The following ZNF385D variants were observed in gnomAD, a reference collection of about 807,000 sequenced individuals.
ZNF385D encodes the protein zinc finger protein 659.
ZNF385D carries 15 observed loss-of-function variants against 35.8 expected under a neutral mutation model. The observed-to-expected ratio is 0.42, with a 90% CI of 0.28 to 0.64. ZNF385D has a LOEUF of 0.64. Ranked by LOEUF, ZNF385D falls within the 30% of genes least tolerant of loss-of-function variation. The pLI, the probability that ZNF385D is intolerant of heterozygous loss-of-function variation, is 0.23. For synonymous variants in ZNF385D, 212 were observed against 186.8 expected (o/e 1.13, Z -1.10); for missense variants, 474 against 494.6 (o/e 0.96, Z 0.39).
At chr3:22,248,512 A>G (rs1191175930) in intron 2 of ZNF385D, among the ~76,000 whole-genome samples, 4 of 152,090 alleles carry the variant, frequency 2.6e-5, no homozygotes, top group Admixed American at 2.6e-4. Context: ...AATTTAGACA[A>G]AGTCCATTAT....
chr3:22,044,370 T>C (rs549039320), intron 3 of ZNF385D, among the ~76,000 whole-genome samples: 5 of 152,200 alleles, frequency 3.3e-5, no homozygotes, highest in Non-Finnish European at 7.4e-5. Flanking sequence ...TCGAATCACA[T>C]CCCAAACTGG....
chr3:22,304,352 C>G (rs187649115), intron 2 of ZNF385D, among the ~76,000 whole-genome samples: 52 of 152,106 alleles, frequency 3.4e-4, no homozygotes, highest in Admixed American at 2.0e-3. Context: ...ATTCAAATTG[C>G]TTATATTTAA....
At chr3:22,013,612 A>T (rs1257547534) in intron 3 of ZNF385D, among the ~76,000 whole-genome samples, 1 of 152,168 alleles carries the variant, frequency 6.6e-6, no homozygotes, top group African/African-American at 2.4e-5. Context: ...CAAGTCGACC[A>T]CTAGGATTAG....
At chr3:22,329,526 A>T (rs1445749909) in intron 2 of ZNF385D, among the ~76,000 whole-genome samples, 1 of 152,172 alleles carries the variant, frequency 6.6e-6, no homozygotes, top group Non-Finnish European at 1.5e-5. Context: ...AAAATTATGT[A>T]ACATTTTGAT....
chr3:22,331,879 G>T (rs965956042), intron 2 of ZNF385D, among the ~76,000 whole-genome samples: 1 of 152,090 alleles, frequency 6.6e-6, no homozygotes, highest in Non-Finnish European at 1.5e-5. Context: ...AATTTCTATA[G>T]TAACTTTCAA....
At chr3:22,085,992 A>G (rs2125592053) in intron 3 of ZNF385D, among the ~76,000 whole-genome samples, 1 of 152,216 alleles carries the variant, frequency 6.6e-6, no homozygotes, top group East Asian at 1.9e-4. Flanking sequence ...GCCTTCGACA[A>G]AATTCAACAA....
intron 3 of ZNF385D, among the ~76,000 whole-genome samples, chr3:21,936,350 A>G (rs911702498): frequency 1.6e-4 from 24 of 151,870 alleles, no homozygotes; most frequent in Non-Finnish European, 2.8e-4. Flanking sequence ...AATTCTCAAG[A>G]TTTTTAAAGT....
At chr3:21,890,481 T>G (rs1354871394) in intron 3 of ZNF385D, among the ~76,000 whole-genome samples, 1 of 152,010 alleles carries the variant, frequency 6.6e-6, no homozygotes, top group East Asian at 1.9e-4. Context: ...TAGCTGTGCA[T>G]GGTGGCAGGC....
At position 22,022,569 on chromosome 3, in the gene ZNF385D, A is replaced by T. The variant is rs186842846; in HGVS notation, c.325+146248T>A. ...CAAGAAAAAAGAAATGATTTATCAT[A>T]AATTCCTGTTTGGCAAATGAACAGC... On this transcript the variant is annotated intron_variant, in intron 3 of 5. Coordinates refer to the ZNF385D transcript ENST00000494108. Among the ~76,000 whole-genome samples the T allele has an allele frequency of 7.9e-5, 12 of 152,320 alleles. No homozygotes were observed. The East Asian group carries it at 2.3e-3, about 29-fold the overall frequency.
rs547100517 is a variant in ZNF385D, at chr3:22,217,247, C to T, written c.107-48212G>A. Among the ~76,000 whole-genome samples the T allele has an allele frequency of 7.2e-5, 11 of 152,232 alleles. No individual in the cohort carries two copies. The South Asian group carries it at 2.1e-3, about 29-fold the overall frequency. On this transcript the variant is annotated intron_variant, in intron 2 of 5. Transcript: ENST00000494108. The stretch of plus-strand genomic sequence containing the variant: ...CCTTGCTCACTGCTTCTCACAGAAA[C>T]CACAATAAACACTTTTGCCCATGTT...
chr3:21,917,656 A>C (rs1463975407), intron 3 of ZNF385D, among the ~76,000 whole-genome samples: 1 of 152,202 alleles, frequency 6.6e-6, no homozygotes, highest in Non-Finnish European at 1.5e-5. Flanking sequence ...TTAAAGTCAT[A>C]TACACAGGAA....
chr3:21,422,800 A>G (rs1013989758), intron 7 of ZNF385D, among the ~76,000 whole-genome samples: 3 of 152,212 alleles, frequency 2.0e-5, no homozygotes, highest in African/African-American at 7.2e-5. Context: ...CCTTCATGAT[A>G]AAACTCTCAA....
intron 2 of ZNF385D, among the ~76,000 whole-genome samples, chr3:22,370,338 T>C (rs568890686): frequency 5.3e-4 from 81 of 152,312 alleles, no homozygotes; most frequent in Admixed American, 2.7e-3. Context: ...TGTAGCACTA[T>C]TGATTTACAA....
At chr3:22,025,923 TA>T (rs1697517059) in intron 3 of ZNF385D, among the ~76,000 whole-genome samples, 1 of 152,130 alleles carries the variant, frequency 6.6e-6, no homozygotes, top group Non-Finnish European at 1.5e-5. Context: ...GTAAATACTA[TA>T]TGAATAATTG....
At chr3:21,914,406 A>G (rs1028759712) in intron 3 of ZNF385D, among the ~76,000 whole-genome samples, 1 of 120,084 alleles carries the variant, frequency 8.3e-6, no homozygotes, top group Admixed American at 8.1e-5. Context: ...TTTTGGTCTT[A>G]TCTCTTTTTT....
At chr3:22,017,282 C>G (rs990292709) in intron 3 of ZNF385D, among the ~76,000 whole-genome samples, 1 of 151,986 alleles carries the variant, frequency 6.6e-6, no homozygotes, top group African/African-American at 2.4e-5. Context: ...GTGAATTTTT[C>G]ATATAAAATA....
intron 3 of ZNF385D, among the ~76,000 whole-genome samples, chr3:22,131,611 G>A (rs368667983): frequency 6.6e-6 from 1 of 152,134 alleles, no homozygotes. Flanking sequence ...ACAGAGCAAA[G>A]GTATAAGTGG....
intron 2 of ZNF385D, among the ~76,000 whole-genome samples, chr3:22,296,818 G>A (rs571218099): frequency 2.0e-5 from 3 of 152,258 alleles, no homozygotes; most frequent in Non-Finnish European, 4.4e-5. Flanking sequence ...TCTCTGGAGA[G>A]CAAAAGTGCA....
At chr3:21,569,922 A>AGGGG (rs1575210384) in intron 2 of ZNF385D, among the ~76,000 whole-genome samples, 8 of 115,330 alleles carry the variant, frequency 6.9e-5, no homozygotes, top group African/African-American at 1.0e-4. Flanking sequence ...GTGGGGGGGC[A>AGGGG]GGGAGGGATA....
Sources: allele counts gnomAD v4.1 joint callset (sites outside exome capture counted in the v4.1 genomes callset), GRCh38; gene constraint gnomAD v4.1.1; transcripts MANE v1.5; gene names NCBI Gene and HGNC (gene_info 2026-07-23, HGNC 2026-07-21).